CSMD1: variants seen among roughly 807,000 people sequenced by gnomAD.
CSMD1 encodes CUB and Sushi multiple domains 1.
Under a neutral mutation model 417.5 loss-of-function variants are expected in CSMD1, and 213 were observed. The ratio of observed to expected loss-of-function variants is 0.51; its 90% CI spans 0.46 to 0.57. CSMD1 has a LOEUF of 0.57. CSMD1 is among the 20% of genes least tolerant of loss of function. The probability of loss-of-function intolerance (pLI) is 0.00; values close to 1 mark genes in which losing one functional copy is unlikely to be tolerated. For synonymous variants in CSMD1, 2,862 were observed against 1,736.8 expected (o/e 1.65, Z -16.11); for missense variants, 6,923 against 4,529.7 (o/e 1.53, Z -15.17).
intron 2 of CSMD1, among the ~76,000 whole-genome samples, chr8:4,517,107 T>C (rs1803167346): frequency 6.6e-6 from 1 of 152,338 alleles, no homozygotes; most frequent in African/African-American, 2.4e-5. Context: ...GCTTTTCCTG[T>C]AGAAGACTGC....
chr8:4,495,121 A>T (rs1339859764), intron 2 of CSMD1, among the ~76,000 whole-genome samples: 1 of 152,182 alleles, frequency 6.6e-6, no homozygotes, highest in Non-Finnish European at 1.5e-5. Flanking sequence ...CATGGACAAC[A>T]GGCAGCATTA....
intron 17 of CSMD1, 43 bp from the exon 18 acceptor site, chr8:3,387,725 T>G: frequency 4.0e-6 from 6 of 1,512,524 alleles, no homozygotes; most frequent in African/African-American, 1.4e-5. Flanking sequence ...ATCTTTCTGG[T>G]TGATTGAAAA....
intron 3 of CSMD1, among the ~76,000 whole-genome samples, chr8:4,300,069 A>T (rs1341252843): frequency 6.6e-6 from 1 of 152,236 alleles, no homozygotes; most frequent in East Asian, 1.9e-4. Flanking sequence ...TACATGTCAG[A>T]ACATCTGGAT....
rs556682029 is a variant in CSMD1 at position 4,303,473 on chromosome 8, G to C, written c.415+116480C>G. On this transcript the variant is annotated intron_variant, in intron 3 of 69. Transcript: ENST00000635120. ...TTTTTTTTTGAGTTCTCTGTGCTGA[G>C]CTCATGTTGATTTTCAATCTCCTTA... Among the ~76,000 whole-genome samples the C allele has an allele frequency of 9.8e-5, 8 of 81,884 alleles. No individual in the cohort carries two copies. In the Admixed American group the frequency reaches 1.6e-3, roughly 16 times the overall value. 53.7% of individuals were successfully genotyped at this position (81,884 alleles called of 152,430 possible). A position where few individuals can be genotyped will look rare whatever the true frequency, so the allele number is the denominator to read the frequency against.
chr8:4,478,417 A>G (rs921077200), intron 2 of CSMD1, among the ~76,000 whole-genome samples: 6 of 152,198 alleles, frequency 3.9e-5, no homozygotes, highest in African/African-American at 7.2e-5. Context: ...GTAAAGTTAT[A>G]TATCTTGTCA....
intron 3 of CSMD1, among the ~76,000 whole-genome samples, chr8:4,039,609 G>T (rs188609818): frequency 6.6e-6 from 1 of 152,162 alleles, no homozygotes; most frequent in Non-Finnish European, 1.5e-5. Context: ...CATTCTCCAG[G>T]ATGAGGAATG....
chr8:3,587,612 C>A (rs1226289139), intron 8 of CSMD1, among the ~76,000 whole-genome samples: 3 of 152,100 alleles, frequency 2.0e-5, no homozygotes, highest in South Asian at 2.1e-4. Context: ...TCCCCCACGG[C>A]ATCTATGTAA....
At chr8:4,619,709 AC>A in intron 2 of CSMD1, among the ~76,000 whole-genome samples, 1 of 152,230 alleles carries the variant, frequency 6.6e-6, no homozygotes, top group East Asian at 1.9e-4. Context: ...GCTATTGTTG[AC>A]CTGATTTAAT....
chr8:4,202,459 C>T (rs3893792), intron 3 of CSMD1, among the ~76,000 whole-genome samples: 127,570 of 152,224 alleles, frequency 0.84, 53,542 homozygotes, highest in South Asian at 0.93. Context: ...TGTTTCATTA[C>T]GTAAGTTTTA....
chr8:4,701,576 G>A (rs972026343), intron 1 of CSMD1, among the ~76,000 whole-genome samples: 15 of 151,980 alleles, frequency 9.9e-5, no homozygotes, highest in Admixed American at 9.2e-4. Flanking sequence ...TCTCATTTGA[G>A]AATAGCTGTT....
intron 1 of CSMD1, among the ~76,000 whole-genome samples, chr8:4,875,293 T>A (rs1462327737): frequency 6.6e-6 from 1 of 152,086 alleles, no homozygotes; most frequent in East Asian, 1.9e-4. Context: ...TCACTGATTC[T>A]CAGTTCGAAA....
intron 26 of CSMD1, among the ~76,000 whole-genome samples, chr8:3,251,886 A>G (rs564557478): frequency 1.4e-4 from 21 of 152,284 alleles, no homozygotes; most frequent in Middle Eastern, 3.4e-3. Context: ...GGTGTATAAG[A>G]ATGCTTGTGA....
At position 4,721,251 on chromosome 8, in the gene CSMD1, C is replaced by T. The variant is rs572023040; in HGVS notation, c.86-83693G>A. On this transcript the variant is annotated intron_variant, in intron 1 of 69. Transcript: ENST00000635120. ...ATTGTGTTTTCCTCATCCATATTTC[C>T]TCATGCCTAGTATCATGTTTAACAT... 2.0e-5 allele frequency among the ~76,000 whole-genome samples: 3 copies of T among 152,194 alleles called. No individual in the cohort carries two copies. In the South Asian group the frequency reaches 6.2e-4, roughly 32 times the overall value.
chr8:3,121,800 T>C (rs889728158), intron 41 of CSMD1, among the ~76,000 whole-genome samples: 2 of 151,558 alleles, frequency 1.3e-5, no homozygotes, highest in African/African-American at 4.9e-5. Flanking sequence ...TCCTGTCTCA[T>C]AAAAAGCAAG....
At chr8:3,600,785 C>T (rs1475372488) in intron 8 of CSMD1, among the ~76,000 whole-genome samples, 1 of 151,790 alleles carries the variant, frequency 6.6e-6, no homozygotes, top group African/African-American at 2.4e-5. Flanking sequence ...CATTGTTCTT[C>T]CATGAATGTT....
chr8:4,849,312 TAA>T (rs1247535525), intron 1 of CSMD1, among the ~76,000 whole-genome samples: 3 of 152,090 alleles, frequency 2.0e-5, no homozygotes, highest in Non-Finnish European at 4.4e-5. Context: ...TTTAAAAAAT[TAA>T]AAGTTTATAA....
At chr8:3,569,330 G>C (rs1210826204) in intron 10 of CSMD1, among the ~76,000 whole-genome samples, 1 of 152,148 alleles carries the variant, frequency 6.6e-6, no homozygotes, top group Non-Finnish European at 1.5e-5. Flanking sequence ...TAATTATTTT[G>C]CATGAGGAGT....
At chr8:3,624,044 C>T (rs914301664) in intron 7 of CSMD1, among the ~76,000 whole-genome samples, 7 of 151,962 alleles carry the variant, frequency 4.6e-5, no homozygotes, top group African/African-American at 1.4e-4. Context: ...AGACATTATG[C>T]GTTGAAGGGC....
intron 7 of CSMD1, among the ~76,000 whole-genome samples, chr8:3,624,967 T>C (rs530699646): frequency 1.3e-5 from 2 of 152,290 alleles, no homozygotes; most frequent in African/African-American, 4.8e-5. Flanking sequence ...GATGACAATT[T>C]GAACAATAAG....
Sources: gnomAD v4.1 joint callset for allele counts (sites outside exome capture counted in the v4.1 genomes callset) on GRCh38, gnomAD v4.1.1 for gene constraint, MANE v1.5 for transcripts, NCBI Gene and HGNC (gene_info 2026-07-23, HGNC 2026-07-21) for gene names.